ASZ1: variants seen among roughly 807,000 people sequenced by gnomAD.
The protein encoded by ASZ1 is ankyrin repeat, SAM and basic leucine zipper domain-containing protein 1.
In ASZ1, 67 loss-of-function variants were observed where a neutral mutation model predicts 61.8. That is an observed-to-expected ratio of 1.08 (90% CI 0.89 to 1.33). ASZ1 has a LOEUF of 1.33. Ranked by LOEUF, ASZ1 falls within the 40% of genes most tolerant of loss-of-function variation. The pLI is 0.00. For missense variants in ASZ1, 577 were observed against 554.5 expected (o/e 1.04, Z -0.41); for synonymous variants, 193 against 192.7 (o/e 1.00, Z -0.01).
At chr7:117,380,227 G>A (rs1796224815) in intron 9 of ASZ1, among the ~76,000 whole-genome samples, 180 bp from the exon 10 acceptor site, 1 of 151,634 alleles carries the variant, frequency 6.6e-6, no homozygotes, top group African/African-American at 2.4e-5. Flanking sequence ...GTTAGTTACA[G>A]CATTAGAATA....
intron 4 of ASZ1, among the ~76,000 whole-genome samples, chr7:117,391,793 T>C (rs1024683904): frequency 1.3e-5 from 2 of 149,934 alleles, no homozygotes; most frequent in African/African-American, 5.0e-5. Context: ...TGGTTTCATA[T>C]TTTTTTTTCT....
chr7:117,383,350 A>T (rs1796291146), intron 6 of ASZ1, among the ~76,000 whole-genome samples: 1 of 152,056 alleles, frequency 6.6e-6, no homozygotes, highest in Non-Finnish European at 1.5e-5. Context: ...TATAATAAAC[A>T]AATCAGGGTA....
At chr7:117,420,354 T>C (rs1331396029) in intron 3 of ASZ1, 80 bp from the exon 4 acceptor site, 4 of 972,102 alleles carry the variant, frequency 4.1e-6, no homozygotes, top group Non-Finnish European at 6.2e-6. Context: ...CAAAACATTC[T>C]ATTATTGCAC....
At chr7:117,403,311 T>C (rs1278360127) in intron 4 of ASZ1, among the ~76,000 whole-genome samples, 4 of 152,198 alleles carry the variant, frequency 2.6e-5, no homozygotes, top group Non-Finnish European at 5.9e-5. Context: ...TACAGGGTTG[T>C]TGTATGGGCT....
intron 4 of ASZ1, among the ~76,000 whole-genome samples, chr7:117,402,836 A>T (rs1796705845): frequency 6.6e-6 from 1 of 152,196 alleles, no homozygotes; most frequent in Admixed American, 6.5e-5. Flanking sequence ...AATATTTAAT[A>T]AACCTGGACC....
intron 2 of ASZ1, among the ~76,000 whole-genome samples, chr7:117,426,409 GA>G (rs1466119104): frequency 1.5e-5 from 2 of 131,916 alleles, no homozygotes; most frequent in Admixed American, 8.9e-5. Context: ...AGAATCGCTT[GA>G]ACCCGAAGGT....
chr7:117,422,005 T>C (rs917593932), intron 3 of ASZ1, among the ~76,000 whole-genome samples: 1 of 152,202 alleles, frequency 6.6e-6, no homozygotes, highest in African/African-American at 2.4e-5. Flanking sequence ...ACCTTAAAGA[T>C]ATATAATAAC....
chr7:117,422,484 T>C, intron 2 of ASZ1, 125 bp from the exon 3 acceptor site: 2 of 1,086,842 alleles, frequency 1.8e-6, no homozygotes, highest in Non-Finnish European at 2.5e-6. Context: ...CATGGGAAGT[T>C]TTTAATGGCT....
chr7:117,409,923 C>T (rs1169837126), intron 4 of ASZ1, among the ~76,000 whole-genome samples: 1 of 151,686 alleles, frequency 6.6e-6, no homozygotes, highest in Non-Finnish European at 1.5e-5. Context: ...TGTTAATCAT[C>T]CTACTGCTTG....
At chr7:117,369,684 C>T (rs1178803606) in intron 10 of ASZ1, among the ~76,000 whole-genome samples, 4 of 152,090 alleles carry the variant, frequency 2.6e-5, no homozygotes, top group Non-Finnish European at 5.9e-5. Flanking sequence ...ATGGATTGTA[C>T]GTAATGGAAG....
intron 11 of ASZ1, 190 bp from the exon 12 acceptor site, chr7:117,367,655 G>A (rs1197738608): frequency 2.8e-6 from 3 of 1,083,928 alleles, no homozygotes; most frequent in African/African-American, 1.6e-5. Context: ...CTTGCCAAAT[G>A]CATTTCCTGA....
intron 11 of ASZ1, chr7:117,368,084 G>A (rs1231679359): frequency 2.7e-6 from 1 of 365,502 alleles, no homozygotes. Context: ...GCCATCATGC[G>A]CAGCTAATTT....
intron 10 of ASZ1, among the ~76,000 whole-genome samples, chr7:117,373,264 G>C (rs1436967705): frequency 1.3e-5 from 2 of 151,984 alleles, no homozygotes. Context: ...TTTTTTAAGA[G>C]AGTCTTGCTA....
At chr7:117,375,465 T>TA (rs1467000812) in intron 10 of ASZ1, among the ~76,000 whole-genome samples, 1 of 152,100 alleles carries the variant, frequency 6.6e-6, no homozygotes, top group African/African-American at 2.4e-5. Flanking sequence ...CCTATAGAAA[T>TA]ATAGTTAATC....
At chr7:117,403,008 G>T (rs991259872) in intron 4 of ASZ1, among the ~76,000 whole-genome samples, 3 of 152,012 alleles carry the variant, frequency 2.0e-5, no homozygotes, top group Non-Finnish European at 4.4e-5. Context: ...CCCTCTCCAG[G>T]GTAGTCCATC....
intron 4 of ASZ1, among the ~76,000 whole-genome samples, chr7:117,416,808 C>T (rs540222363): frequency 1.4e-4 from 22 of 152,140 alleles, no homozygotes; most frequent in Non-Finnish European, 2.6e-4. Context: ...ACAGAATTCC[C>T]TCAGTACCAT....
intron 4 of ASZ1, among the ~76,000 whole-genome samples, chr7:117,403,656 C>G (rs1328855543): frequency 3.9e-5 from 6 of 152,110 alleles, no homozygotes; most frequent in African/African-American, 1.4e-4. Context: ...ACCTCATTCC[C>G]CATCACCCTT....
chr7:117,370,795 C>A (rs1416221111), intron 10 of ASZ1, among the ~76,000 whole-genome samples: 1 of 139,834 alleles, frequency 7.2e-6, no homozygotes, highest in African/African-American at 2.8e-5. Context: ...ATTATTGGAC[C>A]AAAGGTAATT....
At position 117,427,385 on chromosome 7, in the gene ASZ1, C is replaced by T. The variant is rs778822842; in HGVS notation, c.76G>A (p.Glu26Lys). The T allele has an allele frequency of 1.1e-5, 18 of 1,614,122 alleles. No individual in the cohort carries two copies. Among genetic ancestry groups the T allele is most frequent in the Non-Finnish European group, 1.4e-5 (17 of 1,180,024 alleles). ...ESSESEDDGW[E>K]IGYLDRTSQK... ...GACGTCCGGTCGAGATACCCAATCT[C>T]CCAGCCATCATCCTCGCTCTCGCTA... is the stretch of plus-strand genomic sequence containing the variant. Residue 26 changes from glutamate to lysine, a missense_variant, in exon 1 of 13, where the codon GAG becomes AAG. Coordinates refer to ENST00000284629, the MANE Select transcript of ASZ1 (RefSeq NM_130768.3).
Sources: gnomAD v4.1 joint callset for allele counts (sites outside exome capture counted in the v4.1 genomes callset) on GRCh38, gnomAD v4.1.1 for gene constraint, MANE v1.5 for transcripts, NCBI Gene and HGNC (gene_info 2026-07-23, HGNC 2026-07-21) for gene names.